Variants in CHN1 observed in about 807,000 individuals in gnomAD.
CHN1 encodes the protein chimerin 1.
Under a neutral mutation model 59.5 loss-of-function variants are expected in CHN1, and 37 were observed. The ratio of observed to expected loss-of-function variants is 0.62; its 90% CI spans 0.48 to 0.82. The LOEUF (loss-of-function observed/expected upper bound fraction) is 0.82, where lower values mean the gene tolerates loss of function less well. Among genes scored for constraint, CHN1 ranks in the 40% least tolerant of loss-of-function variants. The probability of loss-of-function intolerance (pLI) is 0.00; values close to 1 mark genes in which losing one functional copy is unlikely to be tolerated. For missense variants in CHN1, 469 were observed against 571.0 expected (o/e 0.82, Z 1.82); for synonymous variants, 206 against 200.4 (o/e 1.03, Z -0.24).
At chr2:174,963,002 G>T (rs1187148114) in intron 1 of CHN1, among the ~76,000 whole-genome samples, 1 of 151,970 alleles carries the variant, frequency 6.6e-6, no homozygotes, top group Non-Finnish European at 1.5e-5. Flanking sequence ...CTATTAAAAG[G>T]TTTTCTCCAT....
intron 2 of CHN1, among the ~76,000 whole-genome samples, chr2:174,946,060 T>C (rs1281191186): frequency 3.9e-5 from 6 of 152,066 alleles, no homozygotes; most frequent in Non-Finnish European, 8.8e-5. Flanking sequence ...GGTTAAGAAT[T>C]TGAACTCTTG....
chr2:174,914,476 C>T (rs7576534), intron 5 of CHN1, among the ~76,000 whole-genome samples: 6,351 of 152,050 alleles, frequency 0.042, 464 homozygotes, highest in African/African-American at 0.14. Context: ...AAGAAATTGA[C>T]GGAAGCCGAC....
rs182425453 is a variant in CHN1, at chr2:174,880,985, G to T, written c.261-2857C>A. Among the ~76,000 whole-genome samples the T allele has an allele frequency of 2.6e-3, 397 of 151,052 alleles. 1 individual carries two copies. The highest frequency in any genetic ancestry group is 9.2e-3 in the African/African-American group (378 of 40,976). On this transcript the variant is annotated intron_variant, in intron 5 of 12. Coordinates refer to ENST00000409900, the MANE Select transcript of CHN1 (RefSeq NM_001822.7). ...TGCTTGAATCTGGGAGGTGGAGGTT[G>T]TGGTGAGCCAAGATTGCACCATTGC...
At chr2:174,836,844 C>CT (rs2105419868) in intron 7 of CHN1, among the ~76,000 whole-genome samples, 1 of 152,180 alleles carries the variant, frequency 6.6e-6, no homozygotes, top group Middle Eastern at 3.4e-3. Flanking sequence ...TGCCCAGAAC[C>CT]TTTTTTCAAA....
chr2:174,820,914 T>C (rs1328389336), intron 8 of CHN1, among the ~76,000 whole-genome samples: 7 of 152,134 alleles, frequency 4.6e-5, no homozygotes, highest in Admixed American at 4.6e-4. Flanking sequence ...TAAACATTCC[T>C]GACAAGCTCT....
At chr2:174,824,068 G>C (rs1045503165) in intron 8 of CHN1, among the ~76,000 whole-genome samples, 1 of 152,078 alleles carries the variant, frequency 6.6e-6, no homozygotes, top group South Asian at 2.1e-4. Flanking sequence ...ACAATCATAG[G>C]TCCCTGTACA....
intron 5 of CHN1, among the ~76,000 whole-genome samples, chr2:174,878,407 C>A (rs1046815196): frequency 2.0e-5 from 3 of 152,040 alleles, no homozygotes; most frequent in African/African-American, 7.2e-5. Context: ...TTTATTATAC[C>A]TGTGGAAAAA....
At chr2:174,995,069 T>C (rs942600009) in intron 1 of CHN1, among the ~76,000 whole-genome samples, 7 of 152,212 alleles carry the variant, frequency 4.6e-5, no homozygotes, top group African/African-American at 1.4e-4. Flanking sequence ...ATTCACAAGG[T>C]ACATGTATAC....
At chr2:174,939,464 C>T (rs1053344839) in intron 3 of CHN1, among the ~76,000 whole-genome samples, 1 of 152,152 alleles carries the variant, frequency 6.6e-6, no homozygotes, top group Admixed American at 6.5e-5. Context: ...TGGCATTTTG[C>T]TGTTTTTATT....
intron 1 of CHN1, among the ~76,000 whole-genome samples, chr2:175,004,434 C>CA (rs922171115): frequency 1.3e-4 from 19 of 149,306 alleles, no homozygotes; most frequent in East Asian, 3.9e-4. Flanking sequence ...ATACTGAGTC[C>CA]AAAAAAAAAA....
At chr2:174,947,478 T>G (rs1689877695) in intron 2 of CHN1, among the ~76,000 whole-genome samples, 1 of 150,010 alleles carries the variant, frequency 6.7e-6, no homozygotes, top group Non-Finnish European at 1.5e-5. Context: ...AAGACTCTTT[T>G]TTTTTTTAAT....
rs535203614 is a variant in CHN1 at position 174,949,049 on chromosome 2, T to C, written c.58+3115A>G. On this transcript the variant is annotated intron_variant, in intron 2 of 12. Coordinates refer to ENST00000409900, the MANE Select transcript of CHN1 (RefSeq NM_001822.7). ...CAGTTATTTAAAATTCCAGTCTCTATTGATGAAGTCAGGGTATAACAGGTC... is the reference window on the plus strand; with the variant it reads ...CAGTTATTTAAAATTCCAGTCTCTACTGATGAAGTCAGGGTATAACAGGTC... 5.3e-4 allele frequency among the ~76,000 whole-genome samples: 80 copies of C among 152,310 alleles called. 1 individual carries two copies. The South Asian group carries it at 0.016, about 31-fold the overall frequency.
At chr2:174,909,939 GA>G (rs1688643735) in intron 5 of CHN1, among the ~76,000 whole-genome samples, 1 of 152,168 alleles carries the variant, frequency 6.6e-6, no homozygotes, top group Non-Finnish European at 1.5e-5. Flanking sequence ...ACTAAAGCTT[GA>G]AAAGGTTAAA....
chr2:175,003,938 G>T (rs1464556428), intron 1 of CHN1, among the ~76,000 whole-genome samples: 2 of 152,204 alleles, frequency 1.3e-5, no homozygotes, highest in Non-Finnish European at 2.9e-5. Flanking sequence ...TTTGAGGTAT[G>T]TAACACCTCT....
intron 3 of CHN1, among the ~76,000 whole-genome samples, chr2:174,932,767 G>C (rs372511005): frequency 1.3e-5 from 2 of 152,126 alleles, no homozygotes; most frequent in African/African-American, 4.8e-5. Context: ...TCTTCCTCCT[G>C]CTATGGCCAT....
intron 5 of CHN1, among the ~76,000 whole-genome samples, chr2:174,888,873 C>G (rs1240267574): frequency 6.6e-6 from 1 of 152,212 alleles, no homozygotes; most frequent in Non-Finnish European, 1.5e-5. Flanking sequence ...TGGTTTGCAG[C>G]AGCAAAAGAG....
intron 5 of CHN1, among the ~76,000 whole-genome samples, chr2:174,890,546 A>G (rs1261380405): frequency 1.3e-5 from 2 of 152,120 alleles, no homozygotes; most frequent in Non-Finnish European, 2.9e-5. Context: ...AGAAGAAGAA[A>G]AAATATATAC....
rs542907941 is a variant in CHN1 at position 174,847,618 on chromosome 2, G to A, written c.550-661C>T. ...AGCAGGGAAGGTGGGGGGAAGGGAG[G>A]GATTTCACAAGGAAGGCTGCATTAG... is the stretch of plus-strand genomic sequence containing the variant. On this transcript the variant is annotated intron_variant, in intron 6 of 12. Transcript: ENST00000409900. 1.2e-4 allele frequency: 162 copies of A among 1,317,332 alleles called. 2 individuals carry two copies. In the South Asian group the frequency reaches 1.7e-3, roughly 14 times the overall value. 81.6% of individuals were successfully genotyped at this position (1,317,332 alleles called of 1,614,324 possible). A position where few individuals can be genotyped will look rare whatever the true frequency, so the allele number is the denominator to read the frequency against.
At chr2:174,874,331 AG>A (rs1687494994) in intron 6 of CHN1, among the ~76,000 whole-genome samples, 1 of 152,334 alleles carries the variant, frequency 6.6e-6, no homozygotes, top group South Asian at 2.1e-4. Flanking sequence ...CCATTTTAGA[AG>A]GGAAGAAAGT....
Sources: allele counts gnomAD v4.1 joint callset (sites outside exome capture counted in the v4.1 genomes callset), GRCh38; gene constraint gnomAD v4.1.1; transcripts MANE v1.5; gene names NCBI Gene and HGNC (gene_info 2026-07-23, HGNC 2026-07-21).